The following C14orf39 variants were observed in gnomAD, a reference collection of about 807,000 sequenced individuals.
C14orf39 encodes chromosome 14 open reading frame 39.
In C14orf39, 66 loss-of-function variants were observed where a neutral mutation model predicts 85.6. The ratio of observed to expected loss-of-function variants is 0.77; its 90% CI spans 0.63 to 0.95. C14orf39 has a LOEUF of 0.95. C14orf39 is among the 40% of genes least tolerant of loss of function. The pLI is 0.00. For missense variants in C14orf39, 735 were observed against 663.9 expected (o/e 1.11, Z -1.18); for synonymous variants, 242 against 214.0 (o/e 1.13, Z -1.14).
chr14:60,458,189 A>C (rs1891364300), intron 14 of C14orf39, among the ~76,000 whole-genome samples: 1 of 152,012 alleles, frequency 6.6e-6, no homozygotes, highest in African/African-American at 2.4e-5. Context: ...AGCCGTAGTC[A>C]CCATACTGAT....
intron 1 of C14orf39, chr14:60,509,322 A>G: frequency 7.8e-7 from 1 of 1,287,958 alleles, no homozygotes; most frequent in Non-Finnish European, 1.1e-6. Flanking sequence ...CGCCTGGCAC[A>G]CTCAGCCAGG....
At position 60,484,852 on chromosome 14, in the gene C14orf39, A is replaced by T. The variant is rs371019374; in HGVS notation, c.106+29T>A. On this transcript the variant is annotated intron_variant, in intron 3 of 17. Coordinates refer to ENST00000321731, the MANE Select transcript of C14orf39 (RefSeq NM_174978.3). This position sits in a 1 kb window ranked among gnomAD's most constrained non-coding sequence, Gnocchi z 4.2. ...TATGCCATAAGGAATTAAAAGACTA[A>T]AATATCTTGATCATGCAAAGCTACT... is the stretch of plus-strand genomic sequence containing the variant. 21 of 1,481,518 alleles carry T rather than the reference A, an allele frequency of 1.4e-5. No homozygotes were observed. The African/African-American group carries it at 2.7e-4, about 19-fold the overall frequency. 91.8% of individuals were successfully genotyped at this position (1,481,518 alleles called of 1,614,324 possible).
chr14:60,507,126 T>C (rs1288169698), intron 1 of C14orf39, among the ~76,000 whole-genome samples: 1 of 152,100 alleles, frequency 6.6e-6, no homozygotes, highest in Non-Finnish European at 1.5e-5. Flanking sequence ...CCGCCTCTTC[T>C]GCGCGCTAAG....
At position 60,485,189 on chromosome 14, in the gene C14orf39, A is replaced by C. The variant is rs1018900513; in HGVS notation, c.-8-103T>G. The C allele has an allele frequency of 6.4e-6, 6 of 943,028 alleles. No individual in the cohort carries two copies. The Admixed American group carries it at 1.6e-4, about 26-fold the overall frequency. The allele number at this position is 943,028 out of a possible 1,614,324, so 58.4% of individuals were successfully genotyped here. A position where few individuals can be genotyped will look rare whatever the true frequency, so the allele number is the denominator to read the frequency against. The stretch of plus-strand genomic sequence containing the variant: ...TCAATATAGCATTCTTCACAGGAAC[A>C]TGTGGGCAGAGCCAGAACTGGAAGA... On this transcript the variant is annotated intron_variant, in intron 1 of 17. Coordinates refer to ENST00000321731, the MANE Select transcript of C14orf39 (RefSeq NM_174978.3).
intron 5 of C14orf39, among the ~76,000 whole-genome samples, 177 bp from the exon 6 acceptor site, chr14:60,471,916 ACT>A (rs879494336): frequency 5.3e-5 from 8 of 151,466 alleles, no homozygotes; most frequent in Non-Finnish European, 8.9e-5. Context: ...TCTCAACTTG[ACT>A]CTTTTTCTTC....
upstream of C14orf39, among the ~76,000 whole-genome samples, chr14:60,490,482 AATAAATAG>A (rs1363909489): frequency 2.4e-5 from 3 of 125,604 alleles, no homozygotes; most frequent in African/African-American, 8.2e-5. Flanking sequence ...TAAATAAATA[AATAAATAG>A]GTGCACACCT....
Position 60,483,758 on chromosome 14 carries a change from TTA to T in C14orf39, c.164_165del (p.Ile55LysfsTer5), listed in dbSNP as rs1315562270. Reference protein sequence around the residue: ...KVTICRIHETINATDEEIDHY... With the variant: ...KVTICRIHETXNATDEEIDHY... ...TGATCAATTTCCTCATCTGTTGCAT[TTA>T]TAGTTTCGTGTATCCTACAAATAGT... On this transcript the variant is annotated frameshift_variant, in exon 4 of 18. Transcript: ENST00000321731. LOFTEE classifies it high-confidence loss of function. The T allele has an allele frequency of 6.3e-7, 1 of 1,583,900 alleles. No homozygotes were observed. The highest frequency in any genetic ancestry group is 2.3e-5 in the East Asian group (1 of 44,296).
intron 16 of C14orf39, among the ~76,000 whole-genome samples, chr14:60,453,845 T>C (rs1891143715): frequency 6.6e-6 from 1 of 151,948 alleles, no homozygotes; most frequent in Non-Finnish European, 1.5e-5. Context: ...TTGGACTATA[T>C]TTATAAATTA....
rs33912345 is a variant in C14orf39, at chr14:60,509,819, C to A, written c.-144+5576G>T. 0.56 allele frequency: 908,621 copies of A among 1,612,972 alleles called. 270,703 individuals carry two copies. The highest frequency in any genetic ancestry group is 0.65 in the Admixed American group (39,007 of 59,880). On this transcript the variant is annotated intron_variant, in intron 1 of 5. Coordinates refer to the C14orf39 transcript ENST00000556799. ...ACACTGCTTCAAGGAGCGCACGCGG[C>A]ACCTGCTACGCGAGTGGTACCTGCA...
At position 60,515,052 on chromosome 14, in the gene C14orf39, A is replaced by C. The variant is rs1054362519; in HGVS notation, c.-144+343T>G. ...CTGCGAGGGGGCGGTGTCGGGGAGG[A>C]GGCGGCGGCGAGGGGAGAAGGGGTC... is the stretch of plus-strand genomic sequence containing the variant. On this transcript the variant is annotated intron_variant, in intron 1 of 5. Coordinates refer to the C14orf39 transcript ENST00000556799. The surrounding 1 kb of genome is among the most constrained non-coding windows in gnomAD (Gnocchi z 6.2). 4 of 152,052 alleles carry C rather than the reference A, an allele frequency of 2.6e-5. No homozygotes were observed. The highest frequency in any genetic ancestry group is 2.0e-4 in the East Asian group (1 of 5,084). 9.4% of individuals were successfully genotyped at this position (152,052 alleles called of 1,614,324 possible).
intron 5 of C14orf39, among the ~76,000 whole-genome samples, chr14:60,472,236 G>C (rs1892121041): frequency 2.9e-5 from 1 of 34,682 alleles, no homozygotes; most frequent in African/African-American, 6.0e-5. Flanking sequence ...CTATGTATTA[G>C]AACTCTTGTG....
chr14:60,509,302 C>A, intron 1 of C14orf39: 1 of 1,080,220 alleles, frequency 9.3e-7, no homozygotes, highest in Non-Finnish European at 1.4e-6. Context: ...CAATCCGCCT[C>A]ATCAACAAGC....
At chr14:60,473,869 T>C (rs972918543) in intron 5 of C14orf39, among the ~76,000 whole-genome samples, 1 of 152,190 alleles carries the variant, frequency 6.6e-6, no homozygotes, top group Non-Finnish European at 1.5e-5. Context: ...TGGCTTAGGA[T>C]TGACTAGGCA....
At chr14:60,464,095 T>C (rs939748735) in intron 11 of C14orf39, among the ~76,000 whole-genome samples, 1 of 152,180 alleles carries the variant, frequency 6.6e-6, no homozygotes, top group Admixed American at 6.6e-5. Context: ...ACGGAGCTTC[T>C]AGGAAAAATC....
At chr14:60,470,203 T>C (rs912364541) in intron 7 of C14orf39, among the ~76,000 whole-genome samples, 5 of 151,782 alleles carry the variant, frequency 3.3e-5, no homozygotes, top group African/African-American at 1.2e-4. Context: ...ACTTTCTACT[T>C]GAACTGGATT....
At chr14:60,446,939 T>C (rs1360709147) in intron 16 of C14orf39, among the ~76,000 whole-genome samples, 2 of 151,994 alleles carry the variant, frequency 1.3e-5, no homozygotes, top group Non-Finnish European at 2.9e-5. Flanking sequence ...ACAGAACCAA[T>C]GACAAAAACC....
At chr14:60,444,420 C>T (rs1316071180) in intron 16 of C14orf39, among the ~76,000 whole-genome samples, 2 of 151,902 alleles carry the variant, frequency 1.3e-5, no homozygotes, top group South Asian at 2.1e-4. Context: ...CTTCAATAGC[C>T]GATTCGATTA....
At chr14:60,498,392 C>A (rs1195364443) in intron 2 of C14orf39, among the ~76,000 whole-genome samples, 1 of 152,312 alleles carries the variant, frequency 6.6e-6, no homozygotes, top group Admixed American at 6.5e-5. Context: ...AAGACTGTTT[C>A]TCAGGCTTCA....
At chr14:60,447,821 G>C (rs1382891849) in intron 16 of C14orf39, among the ~76,000 whole-genome samples, 4 of 152,110 alleles carry the variant, frequency 2.6e-5, no homozygotes, top group Non-Finnish European at 4.4e-5. Flanking sequence ...AACCAAAACA[G>C]CTTGGTACTG....
Sources: allele counts gnomAD v4.1 joint callset (sites outside exome capture counted in the v4.1 genomes callset), GRCh38; gene constraint gnomAD v4.1.1; non-coding constraint Gnocchi (gnomAD v3.1); transcripts MANE v1.5; gene names NCBI Gene and HGNC (gene_info 2026-07-23, HGNC 2026-07-21).